The following P4HA1 variants were observed in gnomAD, a reference collection of about 807,000 sequenced individuals.
P4HA1 encodes the protein prolyl 4-hydroxylase subunit alpha-1.
P4HA1 carries 24 observed loss-of-function variants against 72.8 expected under a neutral mutation model. The observed-to-expected ratio is 0.33, with a 90% CI of 0.24 to 0.46. The LOEUF is 0.46. P4HA1 is among the 20% of genes least tolerant of loss of function. The probability of loss-of-function intolerance (pLI) is 1.00; values close to 1 mark genes in which losing one functional copy is unlikely to be tolerated. For synonymous variants in P4HA1, 201 were observed against 218.8 expected (o/e 0.92, Z 0.72); for missense variants, 446 against 640.6 (o/e 0.70, Z 3.28).
chr10:73,045,062 A>C lies in P4HA1; in HGVS notation c.1078-11T>G, dbSNP rs201012134. ...GGTGGCTCGCCTCAGCTGTGAAGCC[A>C]ACCATCAAAATAGTTGCATTACAAA... On this transcript the variant is annotated splice_polypyrimidine_tract_variant and intron_variant, in intron 8 of 14. Transcript: ENST00000394890. 6.2e-7 allele frequency: 1 copy of C among 1,611,492 alleles called. No individual in the cohort carries two copies. The highest frequency in any genetic ancestry group is 8.5e-7 in the Non-Finnish European group (1 of 1,178,098).
intron 10 of P4HA1, among the ~76,000 whole-genome samples, chr10:73,025,547 C>T (rs1475875565): frequency 1.3e-4 from 20 of 151,718 alleles, no homozygotes; most frequent in Admixed American, 3.9e-4. Flanking sequence ...GTTTGAAATC[C>T]GGCACAAGAC....
chr10:73,053,500 A>G lies in P4HA1; in HGVS notation c.554T>C (p.Leu185Pro), dbSNP rs142587629. The G allele has an allele frequency of 1.1e-5, 18 of 1,614,082 alleles. No homozygotes were observed. Among genetic ancestry groups the G allele is most frequent in the Non-Finnish European group, 1.5e-5 (18 of 1,179,962 alleles). Reference protein sequence around the residue: ...YTEADYYHTELWMEQALRQLD... With the variant: ...YTEADYYHTEPWMEQALRQLD... ...TTGCCTTAGGGCTTGTTCCATCCAC[A>G]GTTCCGTATGGTAATAATCTGCTTC... is the stretch of plus-strand genomic sequence containing the variant. Residue 185 changes from leucine to proline, a missense_variant, in exon 6 of 15, where the codon CTG (leucine) becomes CCG (proline). By Grantham distance (98) the Leu-to-Pro change is moderately conservative. Coordinates refer to ENST00000394890, the MANE Select transcript of P4HA1 (RefSeq NM_001017962.3).
At chr10:73,045,664 C>A (rs1387004347) in intron 8 of P4HA1, among the ~76,000 whole-genome samples, 1 of 151,796 alleles carries the variant, frequency 6.6e-6, no homozygotes, top group Non-Finnish European at 1.5e-5. Context: ...ATAATAATTT[C>A]AATTTTTTTT....
At chr10:73,060,664 CTG>C (rs1315183311) in intron 5 of P4HA1, among the ~76,000 whole-genome samples, 3 of 152,252 alleles carry the variant, frequency 2.0e-5, no homozygotes, top group East Asian at 1.9e-4. Context: ...GGAAAAAAAA[CTG>C]TGCCAGAAAG....
At chr10:73,011,831 T>A (rs1215708225) in intron 12 of P4HA1, among the ~76,000 whole-genome samples, 1 of 151,988 alleles carries the variant, frequency 6.6e-6, no homozygotes, top group Non-Finnish European at 1.5e-5. Context: ...GCAAATGCTA[T>A]CCAAGGAAAA....
intron 2 of P4HA1, 151 bp downstream of exon 2, chr10:73,074,657 G>A: frequency 1.8e-6 from 1 of 570,498 alleles, no homozygotes; most frequent in Non-Finnish European, 3.1e-6. Context: ...TAAAGAAAAT[G>A]TCAAATTATT....
In P4HA1 at chr10:73,072,871, T is replaced by C. The variant is rs147317895; in HGVS notation, c.174-691A>G. ...AGGATAGAAGATATTAGCAATACTT[T>C]TAAAATTTATCAGTCAGGCTGGGTG... is the stretch of plus-strand genomic sequence containing the variant. On this transcript the variant is annotated intron_variant, in intron 3 of 14. Coordinates refer to ENST00000394890, the MANE Select transcript of P4HA1 (RefSeq NM_001017962.3). 4.1e-3 allele frequency among the ~76,000 whole-genome samples: 631 copies of C among 152,206 alleles called. 2 individuals are homozygous for C. The highest frequency in any genetic ancestry group is 7.0e-3 in the Non-Finnish European group (478 of 67,986).
chr10:73,021,221 A>T (rs1310910235), intron 10 of P4HA1, among the ~76,000 whole-genome samples: 1 of 152,152 alleles, frequency 6.6e-6, no homozygotes, highest in Non-Finnish European at 1.5e-5. Context: ...GCTGGTGGGA[A>T]TGTAAATTAG....
chr10:73,048,133 AT>A (rs1455226283), intron 7 of P4HA1, among the ~76,000 whole-genome samples: 5 of 152,214 alleles, frequency 3.3e-5, no homozygotes, highest in Non-Finnish European at 7.3e-5. Context: ...TACTAATAGT[AT>A]ACTAAAACAA....
intron 9 of P4HA1, among the ~76,000 whole-genome samples, chr10:73,033,207 A>G (rs559863121): frequency 7.9e-5 from 12 of 152,292 alleles, no homozygotes; most frequent in African/African-American, 2.6e-4. Flanking sequence ...GGTAATTGCA[A>G]TGCTAAATTG....
intron 6 of P4HA1, among the ~76,000 whole-genome samples, chr10:73,051,965 A>T (rs554271385): frequency 2.0e-5 from 3 of 152,322 alleles, no homozygotes; most frequent in Non-Finnish European, 4.4e-5. Context: ...AAGACAGGGG[A>T]TAAGCAATTC....
intron 11 of P4HA1, among the ~76,000 whole-genome samples, chr10:73,014,517 C>G (rs1564618297): frequency 6.6e-6 from 1 of 152,160 alleles, no homozygotes; most frequent in Non-Finnish European, 1.5e-5. Context: ...AAGCGATCCT[C>G]CTGCCTTAGC....
intron 5 of P4HA1, among the ~76,000 whole-genome samples, chr10:73,055,402 C>T (rs1343700343): frequency 1.3e-5 from 2 of 152,180 alleles, no homozygotes; most frequent in African/African-American, 4.8e-5. Flanking sequence ...CGGGGTTTCA[C>T]CATGTTGGCC....
intron 4 of P4HA1, among the ~76,000 whole-genome samples, chr10:73,070,178 G>C (rs1348107629): frequency 1.8e-5 from 1 of 54,950 alleles, no homozygotes; most frequent in Non-Finnish European, 3.2e-5. Flanking sequence ...TTTTTTTTGA[G>C]ATGGAGTCTC....
chr10:73,052,168 G>T (rs1224334017), intron 6 of P4HA1, among the ~76,000 whole-genome samples: 17 of 149,868 alleles, frequency 1.1e-4, no homozygotes, highest in Non-Finnish European at 1.8e-4. Flanking sequence ...AAGAAAAGAT[G>T]ACTACGCTAC....
At chr10:73,046,600 C>G (rs1350020194) in intron 8 of P4HA1, among the ~76,000 whole-genome samples, 1 of 152,040 alleles carries the variant, frequency 6.6e-6, no homozygotes, top group Non-Finnish European at 1.5e-5. Context: ...CTTTGAGTAG[C>G]CTCTGAGATT....
chr10:73,051,338 T>G, intron 6 of P4HA1, 89 bp from the exon 7 acceptor site: 1 of 704,060 alleles, frequency 1.4e-6, no homozygotes, highest in Non-Finnish European at 2.3e-6. Context: ...GGAGACATTA[T>G]AATTTATCTT....
intron 11 of P4HA1, among the ~76,000 whole-genome samples, chr10:73,016,025 C>T (rs1840001742): frequency 6.6e-6 from 1 of 152,068 alleles, no homozygotes; most frequent in Non-Finnish European, 1.5e-5. Flanking sequence ...ACTACTCAGG[C>T]TCCTCTGAAC....
At chr10:73,010,501 A>G (rs575023585) in intron 13 of P4HA1, among the ~76,000 whole-genome samples, 1 of 152,302 alleles carries the variant, frequency 6.6e-6, no homozygotes, top group Non-Finnish European at 1.5e-5. Context: ...TTAGAAATGA[A>G]AAATTTTAAA....
Sources: gnomAD v4.1 joint callset for allele counts (sites outside exome capture counted in the v4.1 genomes callset) on GRCh38, gnomAD v4.1.1 for gene constraint, MANE v1.5 for transcripts, NCBI Gene and HGNC (gene_info 2026-07-23, HGNC 2026-07-21) for gene names.